Variants in TMEM232 observed in about 807,000 individuals in gnomAD.
TMEM232 encodes transmembrane protein 232.
In TMEM232, 80 loss-of-function variants were observed where a neutral mutation model predicts 78.8. That is an observed-to-expected ratio of 1.01 (90% CI 0.85 to 1.22). The LOEUF (loss-of-function observed/expected upper bound fraction) is 1.22, where lower values mean the gene tolerates loss of function less well. TMEM232 is among the 50% of genes most tolerant of loss of function. TMEM232 has a pLI of 0.00. For missense variants in TMEM232, 881 were observed against 742.2 expected (o/e 1.19, Z -2.17); for synonymous variants, 297 against 254.3 (o/e 1.17, Z -1.60).
chr5:110,494,913 C>T (rs1330070422), intron 12 of TMEM232, among the ~76,000 whole-genome samples: 1 of 151,498 alleles, frequency 6.6e-6, no homozygotes, highest in Admixed American at 6.6e-5. Flanking sequence ...TAATAAGCTA[C>T]TCATGGAAAC....
At chr5:110,612,376 A>T (rs1782418295) in intron 8 of TMEM232, among the ~76,000 whole-genome samples, 1 of 152,178 alleles carries the variant, frequency 6.6e-6, no homozygotes, top group African/African-American at 2.4e-5. Flanking sequence ...ATCAATAAGA[A>T]ATCCAAGAAA....
chr5:110,438,888 A>T (rs1037992403), intron 12 of TMEM232, among the ~76,000 whole-genome samples: 1 of 152,046 alleles, frequency 6.6e-6, no homozygotes, highest in Non-Finnish European at 1.5e-5. Context: ...ATCCTTAGAG[A>T]CTCATTTAAC....
intron 7 of TMEM232, among the ~76,000 whole-genome samples, chr5:110,620,661 T>TC (rs796123779): frequency 3.0e-5 from 2 of 66,582 alleles, no homozygotes; most frequent in African/African-American, 6.1e-5. Context: ...CTCTCTCTCC[T>TC]CCTCTCTCTC....
At chr5:110,533,220 C>T (rs555932418) in intron 11 of TMEM232, among the ~76,000 whole-genome samples, 35 of 152,328 alleles carry the variant, frequency 2.3e-4, no homozygotes, top group African/African-American at 7.5e-4. Flanking sequence ...TCACAGACAG[C>T]CCCCATTACT....
intron 12 of TMEM232, among the ~76,000 whole-genome samples, chr5:110,482,268 A>T (rs183846965): frequency 2.0e-5 from 3 of 152,182 alleles, no homozygotes; most frequent in Admixed American, 1.3e-4. Context: ...ATGAAAGAAA[A>T]TTTTTTGAAA....
At chr5:110,535,556 A>G (rs1772224235) in intron 11 of TMEM232, among the ~76,000 whole-genome samples, 1 of 152,194 alleles carries the variant, frequency 6.6e-6, no homozygotes, top group Non-Finnish European at 1.5e-5. Flanking sequence ...GTAAATGTAT[A>G]CAATTTTATT....
Position 110,604,684 on chromosome 5 carries a change from C to T in TMEM232, c.1276+425G>A, listed in dbSNP as rs1336113667. Among the ~76,000 whole-genome samples the T allele has an allele frequency of 3.9e-5, 6 of 152,044 alleles. No individual in the cohort carries two copies. In the South Asian group the frequency reaches 6.2e-4, roughly 16 times the overall value. ...TATTGATAAAAATTTTCTGGCTGGG[C>T]GCAGTGGTTCACGAATGCAATCCCA... is the stretch of plus-strand genomic sequence containing the variant. On this transcript the variant is annotated intron_variant, in intron 10 of 13. Coordinates refer to ENST00000455884, the MANE Select transcript of TMEM232 (RefSeq NM_001039763.4).
At chr5:110,532,075 G>C (rs183288493) in intron 11 of TMEM232, among the ~76,000 whole-genome samples, 6,152 of 152,116 alleles carry the variant, frequency 0.04, 197 homozygotes, top group African/African-American at 0.086. Flanking sequence ...GCAGCGGCCA[G>C]GCATTCCTCC....
At position 110,420,307 on chromosome 5, in the gene TMEM232, A is replaced by C; in HGVS notation, c.*273T>G. The C allele has an allele frequency of 3.9e-6, 1 of 254,504 alleles. No individual in the cohort carries two copies. 15.8% of individuals were successfully genotyped at this position (254,504 alleles called of 1,614,324 possible). ...AGTATGCTGTACAATCATGAGATAAAGGTCAATTGAGAAAAATACTAGATG... is the reference window on the plus strand; with the variant it reads ...AGTATGCTGTACAATCATGAGATAACGGTCAATTGAGAAAAATACTAGATG... On this transcript the variant is annotated 3_prime_UTR_variant, in exon 14 of 14. Transcript: ENST00000455884.
intron 12 of TMEM232, among the ~76,000 whole-genome samples, chr5:110,500,063 G>A (rs1036369359): frequency 5.3e-5 from 8 of 152,004 alleles, no homozygotes; most frequent in East Asian, 3.9e-4. Context: ...AGGCTGAGGC[G>A]GGTGGGACAC....
chr5:110,610,542 G>A (rs1431321316), intron 8 of TMEM232: 1 of 456,140 alleles, frequency 2.2e-6, no homozygotes, highest in African/African-American at 2.0e-5. Context: ...TATTTGTGCA[G>A]AGCTTCTCAA....
At chr5:110,652,598 T>G (rs1382017183) in intron 2 of TMEM232, among the ~76,000 whole-genome samples, 1 of 152,228 alleles carries the variant, frequency 6.6e-6, no homozygotes, top group Non-Finnish European at 1.5e-5. Flanking sequence ...ATGTAAATCC[T>G]GAGTCCTTTA....
chr5:110,594,674 C>G (rs904136668), intron 10 of TMEM232, among the ~76,000 whole-genome samples: 1 of 152,124 alleles, frequency 6.6e-6, no homozygotes, highest in Non-Finnish European at 1.5e-5. Context: ...CCCTCACAGT[C>G]TTAAGGAAGC....
intron 4 of TMEM232, among the ~76,000 whole-genome samples, chr5:110,390,032 T>G (rs79932801): frequency 0.021 from 3,138 of 152,240 alleles, 106 homozygotes; most frequent in African/African-American, 0.072. Flanking sequence ...AGGACTGAAT[T>G]CTGCAGAATT....
At chr5:110,686,717 C>A (rs990024012) in intron 1 of TMEM232, among the ~76,000 whole-genome samples, 33 of 152,000 alleles carry the variant, frequency 2.2e-4, no homozygotes, top group South Asian at 1.0e-3. Context: ...TTAGGTTTAG[C>A]GACATATAAC....
At chr5:110,592,747 A>G (rs1273401753) in intron 10 of TMEM232, among the ~76,000 whole-genome samples, 2 of 152,194 alleles carry the variant, frequency 1.3e-5, no homozygotes, top group Non-Finnish European at 2.9e-5. Context: ...AATTTCTTCA[A>G]TAATCTAGTC....
intron 8 of TMEM232, among the ~76,000 whole-genome samples, chr5:110,614,024 T>C (rs1393961099): frequency 6.6e-6 from 1 of 152,062 alleles, no homozygotes; most frequent in Non-Finnish European, 1.5e-5. Context: ...AAAAAAAAGA[T>C]TAAATCTTTT....
At chr5:110,621,432 G>A (rs1327341358) in intron 7 of TMEM232, among the ~76,000 whole-genome samples, 1 of 152,024 alleles carries the variant, frequency 6.6e-6, no homozygotes, top group East Asian at 1.9e-4. Flanking sequence ...TACGTATTTA[G>A]ACACTTTCAT....
intron 12 of TMEM232, among the ~76,000 whole-genome samples, chr5:110,503,908 G>A (rs1766562483): frequency 6.6e-6 from 1 of 152,168 alleles, no homozygotes; most frequent in African/African-American, 2.4e-5. Flanking sequence ...CCAAGGATCT[G>A]ACCCTTAAAA....
Sources: allele counts gnomAD v4.1 joint callset (sites outside exome capture counted in the v4.1 genomes callset), GRCh38; gene constraint gnomAD v4.1.1; transcripts MANE v1.5; gene names NCBI Gene and HGNC (gene_info 2026-07-23, HGNC 2026-07-21).